Variants in ATP11C observed in about 807,000 individuals in gnomAD.
The protein encoded by ATP11C is phospholipid-transporting ATPase IG.
In ATP11C, 36 loss-of-function variants were observed where a neutral mutation model predicts 97.4. The observed-to-expected ratio is 0.37, with a 90% CI of 0.28 to 0.49. ATP11C has a LOEUF of 0.49. Ranked by LOEUF, ATP11C falls within the 20% of genes least tolerant of loss-of-function variation. ATP11C has a pLI of 0.98. For missense variants in ATP11C, 730 were observed against 824.6 expected (o/e 0.89, Z 1.40); for synonymous variants, 275 against 290.9 (o/e 0.95, Z 0.56).
chrX:139,829,406 C>T (rs1306856002), intron 1 of ATP11C, among the ~76,000 whole-genome samples: 1 of 112,207 alleles, frequency 8.9e-6, no homozygotes, highest in Non-Finnish European at 1.9e-5. Flanking sequence ...TAATTGCCCA[C>T]CTGCTGCCAA....
At chrX:139,853,036 C>T (rs1053665592) in intron 1 of ATP11C, among the ~76,000 whole-genome samples, 2 of 111,251 alleles carry the variant, frequency 1.8e-5, no homozygotes, top group Non-Finnish European at 3.8e-5. Flanking sequence ...ACAGGCAAAG[C>T]GAGACTTCCC....
At chrX:139,918,980 C>T (rs1411259092) in intron 1 of ATP11C, among the ~76,000 whole-genome samples, 3 of 111,987 alleles carry the variant, frequency 2.7e-5, no homozygotes, top group East Asian at 2.8e-4. Flanking sequence ...GTGGCTCACA[C>T]CTGTAATTCC....
Position 139,796,533 on chromosome X carries a change from AAAGG to A in ATP11C, c.1009-67_1009-64del, listed in dbSNP as rs767897752. ...CAATTTCATCAGACCAATATAATAT[AAAGG>A]AAGAATTAATTTCATCTTTATTTCA... On this transcript the variant is annotated intron_variant, in intron 11 of 29. Coordinates refer to ENST00000682941, the MANE Select transcript of ATP11C (RefSeq NM_001353812.2). 4 of 736,832 alleles carry A rather than the reference AAAGG, an allele frequency of 5.4e-6. No homozygotes were observed. The African/African-American group carries it at 6.5e-5, about 12-fold the overall frequency. The allele number at this position is 736,832 out of a possible 1,213,427, so 60.7% of individuals were successfully genotyped here. A position where few individuals can be genotyped will look rare whatever the true frequency, so the allele number is the denominator to read the frequency against.
At chrX:139,770,000 TAC>T (rs766244056) in intron 19 of ATP11C, among the ~76,000 whole-genome samples, 6 of 111,829 alleles carry the variant, frequency 5.4e-5, no homozygotes, top group African/African-American at 1.9e-4. Flanking sequence ...ATTTTATACT[TAC>T]AAATATTTTG....
chrX:139,849,253 A>G (rs1037435800), intron 1 of ATP11C, among the ~76,000 whole-genome samples: 1 of 111,536 alleles, frequency 9.0e-6, no homozygotes, highest in African/African-American at 3.3e-5. Flanking sequence ...TTTTTGACCA[A>G]TAATTATCCT....
At chrX:139,781,250 G>A (rs1277814372) in intron 18 of ATP11C, among the ~76,000 whole-genome samples, 3 of 111,869 alleles carry the variant, frequency 2.7e-5, no homozygotes, top group Non-Finnish European at 3.8e-5. Context: ...ACCTTTTAAC[G>A]TGACTAAACA....
At chrX:139,895,415 T>G (rs2084790144) in intron 1 of ATP11C, among the ~76,000 whole-genome samples, 1 of 111,029 alleles carries the variant, frequency 9.0e-6, no homozygotes, top group Admixed American at 9.6e-5. Flanking sequence ...GGATTACAGG[T>G]GCGCACCACC....
chrX:139,870,281 A>T (rs2093942371), intron 1 of ATP11C, among the ~76,000 whole-genome samples: 1 of 112,401 alleles, frequency 8.9e-6, no homozygotes, highest in Admixed American at 9.5e-5. Context: ...AAGTAAATAC[A>T]GTACATTGGT....
At chrX:139,782,523 AT>A in intron 18 of ATP11C, 23 bp downstream of exon 18, 2 of 1,121,404 alleles carry the variant, frequency 1.8e-6, no homozygotes. Context: ...CATTAAAATA[AT>A]AAGAGTATCA....
rs776561905 is a variant in ATP11C at position 139,743,652 on chromosome X, C to T, written c.2965-28G>A. The T allele has an allele frequency of 4.4e-6, 4 of 908,957 alleles. No homozygotes were observed. The East Asian group carries it at 1.3e-4, about 29-fold the overall frequency. 74.9% of individuals were successfully genotyped at this position (908,957 alleles called of 1,213,427 possible). ...GAAAAACATTTAATAATTACATGTA[C>T]CATGTATATACAAGTATTATCTTAG... On this transcript the variant is annotated intron_variant, in intron 25 of 29. Transcript: ENST00000682941.
intron 1 of ATP11C, among the ~76,000 whole-genome samples, chrX:139,843,973 T>C (rs2083872539): frequency 9.3e-6 from 1 of 107,182 alleles, no homozygotes; most frequent in Non-Finnish European, 1.9e-5. Context: ...ATAGGTGAAA[T>C]ATATCTGCAG....
In ATP11C at chrX:139,768,394, C is replaced by A; in HGVS notation, c.2257G>T (p.Gly753Cys). ...EHQEYGLIID[G>C]STLSLILNSS... is the part of the protein sequence containing the mutation. Reference sequence around the variant, plus strand: ...TTTAGTATGAGTGACAATGTGGAGCCATCTATGATTAATCCATATTCCTGA... The same window carrying A: ...TTTAGTATGAGTGACAATGTGGAGCAATCTATGATTAATCCATATTCCTGA... The change falls in exon 20 of 30, where the codon GGC becomes TGC. Residue 753 changes from glycine to cysteine, a missense_variant. Transcript: ENST00000682941. 1 of 1,153,556 alleles carries A rather than the reference C, an allele frequency of 8.7e-7. No individual in the cohort carries two copies. The highest frequency in any genetic ancestry group is 1.2e-6 in the Non-Finnish European group (1 of 863,223).
chrX:139,898,901 C>A (rs1026714458), intron 1 of ATP11C, among the ~76,000 whole-genome samples: 7 of 111,440 alleles, frequency 6.3e-5, no homozygotes, highest in Non-Finnish European at 1.1e-4. Context: ...AGTGGAGGAA[C>A]CTGGCAATCA....
At chrX:139,810,474 C>T (rs2083147703) in intron 5 of ATP11C, among the ~76,000 whole-genome samples, 1 of 111,371 alleles carries the variant, frequency 9.0e-6, no homozygotes, top group Non-Finnish European at 1.9e-5. Context: ...ATAATAATAA[C>T]CAGAAAATTC....
chrX:139,926,271 G>A (rs989808492), intron 1 of ATP11C, among the ~76,000 whole-genome samples: 4 of 111,372 alleles, frequency 3.6e-5, no homozygotes, highest in Non-Finnish European at 7.5e-5. Context: ...AAGCACTACA[G>A]ATGTACAGGA....
chrX:139,863,033 A>C (rs1313049991), intron 1 of ATP11C, among the ~76,000 whole-genome samples: 1 of 111,350 alleles, frequency 9.0e-6, no homozygotes, highest in Non-Finnish European at 1.9e-5. Flanking sequence ...AGAAGAAAAG[A>C]CAAACAGGAC....
At chrX:139,796,758 A>C (rs1184877730) in intron 11 of ATP11C, among the ~76,000 whole-genome samples, 1 of 111,187 alleles carries the variant, frequency 9.0e-6, no homozygotes, top group Non-Finnish European at 1.9e-5. Flanking sequence ...TAAGATAGGA[A>C]TGTGAGATCA....
intron 3 of ATP11C, 53 bp downstream of exon 3, chrX:139,819,285 G>A (rs369279729): frequency 1.9e-5 from 10 of 530,229 alleles, no homozygotes; most frequent in East Asian, 7.5e-5. Context: ...TTGAAAATTC[G>A]TTTAAAGCAA....
intron 16 of ATP11C, 91 bp downstream of exon 16, chrX:139,785,135 A>C: frequency 1.5e-6 from 1 of 667,386 alleles, no homozygotes; most frequent in Non-Finnish European, 2.3e-6. Flanking sequence ...CTACACTACT[A>C]CATGAAATGA....
Sources: allele counts gnomAD v4.1 joint callset (sites outside exome capture counted in the v4.1 genomes callset), GRCh38; gene constraint gnomAD v4.1.1; transcripts MANE v1.5; gene names NCBI Gene and HGNC (gene_info 2026-07-23, HGNC 2026-07-21).